DNAH17: variants seen among roughly 807,000 people sequenced by gnomAD.
The protein encoded by DNAH17 is axonemal beta dynein heavy chain 17.
Under a neutral mutation model 485.6 loss-of-function variants are expected in DNAH17, and 376 were observed. That is an observed-to-expected ratio of 0.77 (90% CI 0.71 to 0.84). The LOEUF is 0.84. DNAH17 is among the 40% of genes least tolerant of loss of function. The pLI is 0.00. For missense variants in DNAH17, 6,370 were observed against 5,839.3 expected (o/e 1.09, Z -2.96); for synonymous variants, 3,031 against 2,405.9 (o/e 1.26, Z -7.60).
Position 78,560,765 on chromosome 17 carries a change from AG to A in DNAH17, c.2005del (p.Leu669SerfsTer14). On this transcript the variant is annotated frameshift_variant, in exon 13 of 81. Transcript: ENST00000389840. LOFTEE classifies it high-confidence loss of function. ...PLILRDAASN[L>X]IHVNFSKALV... Reference sequence around the variant, plus strand: ...CGCTTTGCTGAAGTTGACGTGGATGAGGTTGCTAGCGGCGTCCCGCAGAATC... The same window carrying A: ...CGCTTTGCTGAAGTTGACGTGGATGAGTTGCTAGCGGCGTCCCGCAGAATC... The A allele has an allele frequency of 6.4e-7, 1 of 1,551,918 alleles. No individual in the cohort carries two copies. The highest frequency in any genetic ancestry group is 8.7e-7 in the Non-Finnish European group (1 of 1,147,062).
At chr17:78,565,304 G>A (rs990600047) in intron 11 of DNAH17, among the ~76,000 whole-genome samples, 1 of 152,226 alleles carries the variant, frequency 6.6e-6, no homozygotes, top group Non-Finnish European at 1.5e-5. Flanking sequence ...CAGCAAGGAG[G>A]TGCTGTATTA....
intron 73 of DNAH17, among the ~76,000 whole-genome samples, chr17:78,438,881 C>T (rs1206613836): frequency 6.6e-6 from 1 of 152,150 alleles, no homozygotes; most frequent in Non-Finnish European, 1.5e-5. Context: ...TCCACGCTTT[C>T]CTCTGGGCAG....
intron 11 of DNAH17, among the ~76,000 whole-genome samples, chr17:78,563,382 A>G (rs935901955): frequency 3.3e-5 from 5 of 151,688 alleles, no homozygotes; most frequent in Non-Finnish European, 7.4e-5. Flanking sequence ...TGTTCAAAGC[A>G]TTGACATGGG....
In DNAH17 at chr17:78,454,667, G is replaced by C. The variant is rs2087711627; in HGVS notation, c.10209C>G (p.Ser3403Arg). ...IPITNGLDPL[S>R]LLTDDADVAT... is the part of the protein sequence containing the mutation. ...CCACGTCCGCGTCATCTGTCAGCAG[G>C]CTCAAGGGATCCAGGCCATTCGTGA... Residue 3403 changes from serine (S) to arginine (R), a missense_variant, in exon 64 of 81, where the codon AGC becomes AGG. Coordinates refer to ENST00000389840, the MANE Select transcript of DNAH17 (RefSeq NM_173628.4). The C allele has an allele frequency of 3.1e-6, 5 of 1,612,904 alleles. No homozygotes were observed. The South Asian group carries it at 4.4e-5, about 14-fold the overall frequency.
Position 78,505,444 on chromosome 17 carries a change from A to T in DNAH17, c.4805T>A (p.Val1602Glu), listed in dbSNP as rs2090455877. 6.2e-7 allele frequency: 1 copy of T among 1,614,004 alleles called. No homozygotes were observed. Among genetic ancestry groups the T allele is most frequent in the Non-Finnish European group, 8.5e-7 (1 of 1,179,860 alleles). ...GAAGAGTTTGGACAGGTGGCGGCTCACCTGGGAGGAGGCAAGAAGCGGGAA... is the reference window on the plus strand; with the variant it reads ...GAAGAGTTTGGACAGGTGGCGGCTCTCCTGGGAGGAGGCAAGAAGCGGGAA... ...ILSNGNDPVE[V>E]SRHLSKLFDS... Residue 1602 changes from valine (V) to glutamate (E), a missense_variant and splice_region_variant, in exon 31 of 81, where the codon GTG becomes GAG. Coordinates refer to ENST00000389840, the MANE Select transcript of DNAH17 (RefSeq NM_173628.4).
chr17:78,494,461 G>A, intron 40 of DNAH17, 132 bp downstream of exon 40: 4 of 1,098,778 alleles, frequency 3.6e-6, no homozygotes, highest in Non-Finnish European at 3.9e-6. Flanking sequence ...GGCAGCTGTG[G>A]CTCAGAGGTC....
chr17:78,434,032 G>A lies in DNAH17; in HGVS notation c.12222C>T (p.Pro4074=), dbSNP rs767045075. 6.9e-6 allele frequency: 11 copies of A among 1,602,522 alleles called. No individual in the cohort carries two copies. Among genetic ancestry groups the A allele is most frequent in the Non-Finnish European group, 8.5e-6 (10 of 1,173,082 alleles). ...CAGGGCACACACAGCCCCTCACCTT[G>A]GGGTTGGCCTCCAGGTAGTTGTAGA... ...NVLYNYLEAN[P]KVPWDDLRYL... The change falls in exon 75 of 81, where the codon CCC becomes CCT. Residue 4074 remains proline, a synonymous_variant. Transcript: ENST00000389840.
Position 78,434,209 on chromosome 17 carries a change from C to G in DNAH17, c.12045G>C (p.Glu4015Asp). The G allele has an allele frequency of 6.2e-7, 1 of 1,607,544 alleles. No homozygotes were observed. The highest frequency in any genetic ancestry group is 8.5e-7 in the Non-Finnish European group (1 of 1,175,148). The change falls in exon 75 of 81, where the codon GAG becomes GAC. Residue 4015 changes from glutamate to aspartate, a missense_variant. Glu to Asp is a conservative substitution (Grantham distance 45). Coordinates refer to ENST00000389840, the MANE Select transcript of DNAH17 (RefSeq NM_173628.4). ...TGAACTCCATCTCCTTGGTGCACATCTCCAGGGTGTCCTGTGGGGCACACG... is the reference window on the plus strand; with the variant it reads ...TGAACTCCATCTCCTTGGTGCACATGTCCAGGGTGTCCTGTGGGGCACACG... Reference protein sequence around the residue: ...ALDLFTQDTLEMCTKEMEFKC... With the variant: ...ALDLFTQDTLDMCTKEMEFKC...
chr17:78,501,350 G>C lies in DNAH17; in HGVS notation c.5323-6C>G, dbSNP rs1303452612. The C allele has an allele frequency of 6.3e-7, 1 of 1,583,822 alleles. No individual in the cohort carries two copies. Among genetic ancestry groups the C allele is most frequent in the Non-Finnish European group, 8.6e-7 (1 of 1,157,372 alleles). Reference sequence around the variant, plus strand: ...AAGGCCTGAGAACTCTCCACCTGCAGGATGAGCCGGAGCTCTTGTTGCCAG... The same window carrying C: ...AAGGCCTGAGAACTCTCCACCTGCACGATGAGCCGGAGCTCTTGTTGCCAG... On this transcript the variant is annotated splice_polypyrimidine_tract_variant and splice_region_variant and intron_variant, in intron 34 of 80. Transcript: ENST00000389840.
chr17:78,438,418 T>TGAG (rs1369198066), intron 73 of DNAH17, among the ~76,000 whole-genome samples: 1 of 870 alleles, frequency 1.1e-3, no homozygotes, highest in Non-Finnish European at 2.1e-3. Context: ...CTGCCCCAAG[T>TGAG]GAGGAGAAGG....
Position 78,485,663 on chromosome 17 carries a change from G to C in DNAH17, c.7370C>G (p.Ala2457Gly). Residue 2457 changes from alanine (A) to glycine (G), a missense_variant, in exon 47 of 81, where the codon GCG becomes GGG. Transcript: ENST00000389840. ...KSWPVMLVGNAGTGKSVLMGD... is the reference protein window; with the variant it reads ...KSWPVMLVGNGGTGKSVLMGD... ...CATCAGCACCGACTTGCCCGTCCCC[G>C]CGTTCCCCACCAGCATCACCGGCCA... The C allele has an allele frequency of 6.2e-7, 1 of 1,613,970 alleles. No individual in the cohort carries two copies.
At chr17:78,572,246 C>T (rs1047698230) in intron 3 of DNAH17, among the ~76,000 whole-genome samples, 1 of 126,302 alleles carries the variant, frequency 7.9e-6, no homozygotes, top group Admixed American at 8.4e-5. Flanking sequence ...ACCTTGGAGT[C>T]CCTTGGGCTT....
At chr17:78,458,170 G>C (rs939017750) in intron 62 of DNAH17, among the ~76,000 whole-genome samples, 1 of 152,174 alleles carries the variant, frequency 6.6e-6, no homozygotes, top group African/African-American at 2.4e-5. Flanking sequence ...CTGGCACCTG[G>C]CATTATATCC....
intron 14 of DNAH17, among the ~76,000 whole-genome samples, chr17:78,555,543 C>CACAA (rs1555693738): frequency 1.3e-5 from 1 of 77,716 alleles, no homozygotes; most frequent in Non-Finnish European, 2.2e-5. Context: ...GATTCCGTCA[C>CACAA]AAAAAAAAAA....
intron 20 of DNAH17, among the ~76,000 whole-genome samples, chr17:78,530,781 T>C (rs1166081894): frequency 6.6e-6 from 1 of 152,186 alleles, no homozygotes; most frequent in Non-Finnish European, 1.5e-5. Flanking sequence ...CTTCTGAAGC[T>C]GGGTAGGACA....
At chr17:78,450,466 A>G in intron 67 of DNAH17, 72 bp from the exon 68 acceptor site, 1 of 1,579,066 alleles carries the variant, frequency 6.3e-7, no homozygotes, top group Non-Finnish European at 8.6e-7. Flanking sequence ...GCTCATTCCC[A>G]GCCACCAGCC....
chr17:78,477,654 G>A (rs2089095447), intron 51 of DNAH17, among the ~76,000 whole-genome samples: 1 of 152,180 alleles, frequency 6.6e-6, no homozygotes, highest in African/African-American at 2.4e-5. Context: ...TGGGATTACA[G>A]GCATGAACCA....
chr17:78,479,148 T>C lies in DNAH17; in HGVS notation c.7901-32A>G, dbSNP rs377672074. Reference sequence around the variant, plus strand: ...GAGGAAAAGGACGTGTCAATTCTCATGTACTCTTGATGGCCCCAGGAAGTG... The same window carrying C: ...GAGGAAAAGGACGTGTCAATTCTCACGTACTCTTGATGGCCCCAGGAAGTG... On this transcript the variant is annotated intron_variant, in intron 50 of 80. Coordinates refer to ENST00000389840, the MANE Select transcript of DNAH17 (RefSeq NM_173628.4). 4 of 1,605,430 alleles carry C rather than the reference T, an allele frequency of 2.5e-6. No individual in the cohort carries two copies. In the Admixed American group the frequency reaches 5.1e-5, roughly 20 times the overall value.
intron 65 of DNAH17, among the ~76,000 whole-genome samples, chr17:78,452,029 A>ACTGCAACCCTGGGTCTGCTCAT: frequency 6.6e-6 from 1 of 151,640 alleles, no homozygotes; most frequent in African/African-American, 2.4e-5. Context: ...AGCTCCCAGG[A>ACTGCAACCCTGGGTCTGCTCAT]CTGCAACCCT....
Sources: gnomAD v4.1 joint callset for allele counts (sites outside exome capture counted in the v4.1 genomes callset) on GRCh38, gnomAD v4.1.1 for gene constraint, MANE v1.5 for transcripts, NCBI Gene and HGNC (gene_info 2026-07-23, HGNC 2026-07-21) for gene names.